Variants in NRXN1 observed in about 807,000 individuals in gnomAD.
NRXN1 encodes neurexin-1.
In NRXN1, 39 loss-of-function variants were observed where a neutral mutation model predicts 150.9. The ratio of observed to expected loss-of-function variants is 0.26; its 90% confidence interval spans 0.20 to 0.34. The LOEUF is 0.34. Among genes scored for constraint, NRXN1 ranks in the 10% least tolerant of loss-of-function variants. The probability of loss-of-function intolerance (pLI) is 1.00; values close to 1 mark genes in which losing one functional copy is unlikely to be tolerated. For missense variants in NRXN1, 1,815 were observed against 1,949.9 expected, an observed-to-expected ratio of 0.93 and a Z score of 1.30; for synonymous variants, 924 against 757.0, an observed-to-expected ratio of 1.22 and a Z score of -3.62.
At chr2:51,001,507 G>A (rs1015704807) in intron 2 of NRXN1, among the ~76,000 whole-genome samples, 2 of 151,774 alleles carry the variant, frequency 1.3e-5, no homozygotes, top group African/African-American at 4.8e-5. Flanking sequence ...GAATCACTTA[G>A]GCTTTGATCT....
chr2:50,348,426 T>G (rs1459259399), intron 17 of NRXN1, among the ~76,000 whole-genome samples: 1 of 152,142 alleles, frequency 6.6e-6, no homozygotes. Context: ...TGAATAAAAT[T>G]GCTTGTATTT....
At chr2:50,924,812 A>T (rs1010846402) in intron 3 of NRXN1, among the ~76,000 whole-genome samples, 7 of 151,706 alleles carry the variant, frequency 4.6e-5, no homozygotes, top group African/African-American at 1.7e-4. Flanking sequence ...ACGAATCACA[A>T]ATATAATGTT....
intron 2 of NRXN1, among the ~76,000 whole-genome samples, chr2:50,969,978 T>C (rs1469614075): frequency 6.6e-6 from 1 of 152,054 alleles, no homozygotes. Flanking sequence ...ATATACTGAG[T>C]GGGGAAACCC....
chr2:50,098,481 T>C (rs903125610), intron 18 of NRXN1, among the ~76,000 whole-genome samples: 2 of 152,092 alleles, frequency 1.3e-5, no homozygotes, highest in Non-Finnish European at 2.9e-5. Context: ...CCCAGGGACA[T>C]AGAAGTTATG....
chr2:50,374,428 T>C (rs570065892), intron 17 of NRXN1, among the ~76,000 whole-genome samples: 1 of 152,176 alleles, frequency 6.6e-6, no homozygotes, highest in Non-Finnish European at 1.5e-5. Flanking sequence ...TATAATTAAA[T>C]AATAAAGCAC....
At position 50,026,859 on chromosome 2, in the gene NRXN1, C is replaced by CTTTTTTTTTTTTTTTTT. The variant is rs57580154; in HGVS notation, c.4128+26395_4128+26411dup. Among the ~76,000 whole-genome samples the CTTTTTTTTTTTTTTTTT allele has an allele frequency of 3.8e-4, 25 of 65,234 alleles. 6 individuals carry two copies. The highest frequency in any genetic ancestry group is 1.2e-3 in the East Asian group (2 of 1,638). 42.8% of individuals were successfully genotyped at this position (65,234 alleles called of 152,430 possible). A position where few individuals can be genotyped will look rare whatever the true frequency, so the allele number is the denominator to read the frequency against. On this transcript the variant is annotated intron_variant, in intron 21 of 22. Transcript: ENST00000401669. ...TTGCATTGTTTAAGTCTTTTCTTTT[C>CTTTTTTTTTTTTTTTTT]TTTTTTTTTTTTTTTTTTTTTTTTT...
chr2:50,703,339 A>T (rs1367406670), intron 5 of NRXN1, among the ~76,000 whole-genome samples: 1 of 152,114 alleles, frequency 6.6e-6, no homozygotes, highest in Non-Finnish European at 1.5e-5. Flanking sequence ...TGATGATTGC[A>T]GTAACAGATA....
chr2:50,918,760 A>G, intron 5 of NRXN1: 2 of 310,520 alleles, frequency 6.4e-6, no homozygotes. Context: ...AAACAGATAA[A>G]CCTAAATTCT....
intron 17 of NRXN1, among the ~76,000 whole-genome samples, chr2:50,280,122 CA>C (rs1394847053): frequency 1.3e-5 from 2 of 151,578 alleles, no homozygotes; most frequent in African/African-American, 2.4e-5. Context: ...ACTAAAAATA[CA>C]AAAAAGTAGC....
intron 16 of NRXN1, among the ~76,000 whole-genome samples, chr2:50,465,776 ATAAAC>A (rs1311267915): frequency 2.0e-5 from 3 of 151,920 alleles, no homozygotes; most frequent in African/African-American, 7.2e-5. Context: ...CATTATAATC[ATAAAC>A]TAAACCAACA....
At chr2:50,962,181 C>T (rs1234216626) in intron 2 of NRXN1, among the ~76,000 whole-genome samples, 16 of 151,676 alleles carry the variant, frequency 1.1e-4, no homozygotes, top group East Asian at 1.9e-4. Context: ...AAACGGCATG[C>T]CAATGTATTC....
At chr2:50,756,862 C>T (rs1019976276) in intron 5 of NRXN1, among the ~76,000 whole-genome samples, 27 of 151,662 alleles carry the variant, frequency 1.8e-4, no homozygotes, top group African/African-American at 5.3e-4. Flanking sequence ...TTGCATGTTC[C>T]TAAAAGAATC....
chr2:50,199,211 T>G (rs1216758431), intron 18 of NRXN1: 10 of 152,170 alleles, frequency 6.6e-5, no homozygotes, highest in Non-Finnish European at 1.3e-4. Context: ...AGAAATATGT[T>G]TGGAAAGATT....
intron 17 of NRXN1, among the ~76,000 whole-genome samples, chr2:50,311,529 T>G (rs1343656302): frequency 6.6e-6 from 1 of 152,054 alleles, no homozygotes; most frequent in Non-Finnish European, 1.5e-5. Flanking sequence ...AGACAGCAAC[T>G]TGTGTACTCC....
chr2:50,078,228 T>G (rs914893579), intron 19 of NRXN1, among the ~76,000 whole-genome samples: 1 of 152,060 alleles, frequency 6.6e-6, no homozygotes, highest in African/African-American at 2.4e-5. Flanking sequence ...AATAAACACA[T>G]GAACATGTCA....
At chr2:50,066,397 A>G (rs1695369321) in intron 19 of NRXN1, among the ~76,000 whole-genome samples, 2 of 152,206 alleles carry the variant, frequency 1.3e-5, no homozygotes, top group Admixed American at 1.3e-4. Flanking sequence ...CACCATGTGA[A>G]GTGTAGTTGC....
intron 5 of NRXN1, among the ~76,000 whole-genome samples, chr2:50,778,012 G>A (rs1357314720): frequency 6.6e-6 from 1 of 152,094 alleles, no homozygotes; most frequent in Non-Finnish European, 1.5e-5. Context: ...CCTGTGTACT[G>A]TGTTATTCAT....
At chr2:50,294,905 C>A (rs1030911082) in intron 17 of NRXN1, among the ~76,000 whole-genome samples, 2 of 152,048 alleles carry the variant, frequency 1.3e-5, no homozygotes, top group Non-Finnish European at 1.5e-5. Flanking sequence ...CCCTATCAGT[C>A]GATGGAGGAA....
intron 5 of NRXN1, among the ~76,000 whole-genome samples, chr2:50,655,676 A>G (rs73933020): frequency 0.045 from 6,550 of 146,284 alleles, 307 homozygotes; most frequent in African/African-American, 0.13. Flanking sequence ...TTGGGGGGGG[A>G]GGGAAGAAAG....
Sources: allele counts gnomAD v4.1 joint callset (sites outside exome capture counted in the v4.1 genomes callset), GRCh38; gene constraint gnomAD v4.1.1; transcripts MANE v1.5; gene names NCBI Gene and HGNC (gene_info 2026-07-23, HGNC 2026-07-21).